Variants in GPD2 observed in about 807,000 individuals in gnomAD.
GPD2 encodes the protein glycerol-3-phosphate dehydrogenase, mitochondrial.
In GPD2, 54 loss-of-function variants were observed where a neutral mutation model predicts 82.4. The ratio of observed to expected loss-of-function variants is 0.66; its 90% confidence interval spans 0.53 to 0.82. The LOEUF is 0.82. Among genes scored for constraint, GPD2 ranks in the 40% least tolerant of loss-of-function variants. The pLI is 0.00. For synonymous variants in GPD2, 288 were observed against 306.1 expected, an observed-to-expected ratio of 0.94 and a Z score of 0.62; for missense variants, 748 against 896.2, an observed-to-expected ratio of 0.83 and a Z score of 2.11.
chr2:156,579,798 GGT>G lies in GPD2; in HGVS notation c.2058+12_2058+13del. 7.8e-7 allele frequency: 1 copy of G among 1,276,204 alleles called. No homozygotes were observed. Among genetic ancestry groups the G allele is most frequent in the Non-Finnish European group, 1.1e-6 (1 of 871,176 alleles). 79.1% of individuals were successfully genotyped at this position (1,276,204 alleles called of 1,614,324 possible). On this transcript the variant is annotated intron_variant, in intron 16 of 16. Coordinates refer to ENST00000438166, the MANE Select transcript of GPD2 (RefSeq NM_000408.5). ...CAATGAATTTTTGCAGGTGAGTTGT[GGT>G]GAAAGGAAACAAGGATATTTGCTTT...
At chr2:156,529,217 T>TC (rs1685739200) in intron 6 of GPD2, among the ~76,000 whole-genome samples, 1 of 150,956 alleles carries the variant, frequency 6.6e-6, no homozygotes, top group African/African-American at 2.4e-5. Context: ...CATATGTTTT[T>TC]TGGCTGCATA....
At chr2:156,451,372 C>T (rs553651834) in intron 1 of GPD2, among the ~76,000 whole-genome samples, 1 of 148,288 alleles carries the variant, frequency 6.7e-6, no homozygotes, top group Admixed American at 6.6e-5. Flanking sequence ...GGCGGCTGGG[C>T]AGAGGCGCCC....
At chr2:156,530,050 A>G (rs1442666380) in intron 6 of GPD2, among the ~76,000 whole-genome samples, 10 of 149,616 alleles carry the variant, frequency 6.7e-5, no homozygotes, top group African/African-American at 1.5e-4. Context: ...TTTTCACTAT[A>G]TTGATTCTTC....
chr2:156,557,413 C>T lies in GPD2; in HGVS notation c.996C>T (p.Asp332=), dbSNP rs1231464377. 4 of 1,608,720 alleles carry T rather than the reference C, an allele frequency of 2.5e-6. No individual in the cohort carries two copies. The highest frequency in any genetic ancestry group is 3.3e-5 in the Admixed American group (2 of 59,980). The change falls in exon 9 of 17, where the codon GAC becomes GAT. Residue 332 remains aspartate (D), a synonymous_variant. Coordinates refer to ENST00000438166, the MANE Select transcript of GPD2 (RefSeq NM_000408.5). ...GCCCAGAGAGCATGGGACTTCTTGA[C>T]CCAGCGACCAGTGATGGGCGAGTTA... is the stretch of plus-strand genomic sequence containing the variant. ...YYSPESMGLL[D]PATSDGRVIF...
chr2:156,488,988 A>G (rs1684049004), intron 2 of GPD2, among the ~76,000 whole-genome samples: 2 of 152,152 alleles, frequency 1.3e-5, no homozygotes, highest in Admixed American at 6.5e-5. Flanking sequence ...TTATGCTAGG[A>G]AAAAGGCAGT....
intron 6 of GPD2, among the ~76,000 whole-genome samples, chr2:156,530,068 T>G (rs952970453): frequency 6.7e-6 from 1 of 149,650 alleles, no homozygotes; most frequent in East Asian, 2.0e-4. Context: ...TTCCTACCCA[T>G]GAGCATGGAA....
At chr2:156,436,317 G>C (rs1220279208), upstream of GPD2, 2 of 152,754 alleles carry the variant, frequency 1.3e-5, no homozygotes, top group African/African-American at 4.8e-5. Flanking sequence ...AGGAAGTCGG[G>C]AAGAGGGAAG....
intron 3 of GPD2, among the ~76,000 whole-genome samples, chr2:156,510,499 CCTT>C (rs1684955873): frequency 6.6e-6 from 1 of 152,208 alleles, no homozygotes; most frequent in African/African-American, 2.4e-5. Flanking sequence ...GCTAGTCTCT[CCTT>C]TGACCTTCTA....
At chr2:156,426,793 G>A in the GPD2 span, among the ~76,000 whole-genome samples, 1 of 150,388 alleles carries the variant, frequency 6.6e-6, no homozygotes, top group Non-Finnish European at 1.5e-5. Context: ...TCTTTGAACT[G>A]GAAAGAAAGG....
intron 1 of GPD2, among the ~76,000 whole-genome samples, chr2:156,453,053 T>C (rs1682670598): frequency 6.6e-6 from 1 of 152,216 alleles, no homozygotes; most frequent in Non-Finnish European, 1.5e-5. Context: ...TGGGGAAATG[T>C]AATAGGATTG....
At chr2:156,539,478 C>G (rs753033483) in intron 6 of GPD2, among the ~76,000 whole-genome samples, 1 of 152,116 alleles carries the variant, frequency 6.6e-6, no homozygotes, top group Non-Finnish European at 1.5e-5. Flanking sequence ...ACATTGGGTT[C>G]AGGTCAGACT....
At chr2:156,401,061 C>T in the GPD2 span, among the ~76,000 whole-genome samples, 3 of 152,190 alleles carry the variant, frequency 2.0e-5, no homozygotes, top group Admixed American at 2.0e-4. Context: ...TCTTTATTTG[C>T]ATGAGTCCAG....
chr2:156,468,994 G>A (rs960669831), intron 1 of GPD2, among the ~76,000 whole-genome samples: 1 of 152,050 alleles, frequency 6.6e-6, no homozygotes, highest in Non-Finnish European at 1.5e-5. Flanking sequence ...ACCTTTGGTA[G>A]CCATCCTCTA....
At chr2:156,562,980 G>A (rs1034375576) in intron 9 of GPD2, among the ~76,000 whole-genome samples, 73 of 151,924 alleles carry the variant, frequency 4.8e-4, no homozygotes, top group Non-Finnish European at 1.5e-4. Flanking sequence ...TCTAGTAAGT[G>A]GTCTTTAATG....
Position 156,511,105 on chromosome 2 carries a change from T to G in GPD2, c.399+185T>G, listed in dbSNP as rs1482562269. 5.9e-5 allele frequency among the ~76,000 whole-genome samples: 9 copies of G among 152,338 alleles called. No individual in the cohort carries two copies. The East Asian group carries it at 1.7e-3, about 29-fold the overall frequency. ...CAGTTCTTTCCTGTAGTATTATGTT[T>G]ATGGGTAATCAGGGGCTTTTTCTTC... On this transcript the variant is annotated intron_variant, in intron 4 of 16. Coordinates refer to ENST00000438166, the MANE Select transcript of GPD2 (RefSeq NM_000408.5).
At chr2:156,558,047 AAAG>A (rs1197775272) in intron 9 of GPD2, among the ~76,000 whole-genome samples, 3 of 152,236 alleles carry the variant, frequency 2.0e-5, no homozygotes, top group African/African-American at 7.2e-5. Context: ...TGGGCTTAGC[AAAG>A]AAGGATAAGT....
intron 8 of GPD2, among the ~76,000 whole-genome samples, chr2:156,556,774 C>T (rs961311742): frequency 3.3e-5 from 5 of 152,130 alleles, no homozygotes; most frequent in Non-Finnish European, 5.9e-5. Context: ...TCTAGATGTA[C>T]ATTTTGAGAT....
chr2:156,521,504 C>T (rs1422183965), intron 6 of GPD2, among the ~76,000 whole-genome samples: 1 of 152,114 alleles, frequency 6.6e-6, no homozygotes, highest in South Asian at 2.1e-4. Flanking sequence ...ACATTACTCC[C>T]GTATTATTTT....
Position 156,550,477 on chromosome 2 carries a change from G to C in GPD2, c.827-125G>C, listed in dbSNP as rs985136585. ...GCTCTTCAATAACTTGAGCTGCTCA[G>C]GTCACTTAGTGTGGTATGCAGTATA... On this transcript the variant is annotated intron_variant, in intron 7 of 16. Transcript: ENST00000438166. The C allele has an allele frequency of 2.5e-5, 24 of 949,638 alleles. No individual in the cohort carries two copies. In the African/African-American group the frequency reaches 3.8e-4, roughly 15 times the overall value. 58.8% of individuals were successfully genotyped at this position (949,638 alleles called of 1,614,324 possible). A position where few individuals can be genotyped will look rare whatever the true frequency, so the allele number is the denominator to read the frequency against.
Sources: allele counts gnomAD v4.1 joint callset (sites outside exome capture counted in the v4.1 genomes callset), GRCh38; gene constraint gnomAD v4.1.1; transcripts MANE v1.5; gene names NCBI Gene and HGNC (gene_info 2026-07-23, HGNC 2026-07-21).